The following CACNB2 variants were observed in gnomAD, a reference collection of about 807,000 sequenced individuals.
CACNB2 encodes voltage-dependent L-type calcium channel subunit beta-2.
CACNB2 carries 42 observed loss-of-function variants against 73.3 expected under a neutral mutation model. The ratio of observed to expected loss-of-function variants is 0.57; its 90% CI spans 0.45 to 0.74. The LOEUF (loss-of-function observed/expected upper bound fraction) is 0.74, where lower values mean the gene tolerates loss of function less well. Ranked by LOEUF, CACNB2 falls within the 30% of genes least tolerant of loss-of-function variation. The pLI, the probability that CACNB2 is intolerant of heterozygous loss-of-function variation, is 0.00. For synonymous variants in CACNB2, 348 were observed against 310.3 expected, an observed-to-expected ratio of 1.12 and a Z score of -1.28; for missense variants, 940 against 853.0, an observed-to-expected ratio of 1.10 and a Z score of -1.27.
intron 2 of CACNB2, among the ~76,000 whole-genome samples, chr10:18,380,165 C>A (rs192799749): frequency 6.6e-6 from 1 of 152,268 alleles, no homozygotes; most frequent in East Asian, 1.9e-4. Context: ...AGTTTTAATT[C>A]AATCAGGTTA....
At chr10:18,337,890 A>T (rs1316103275) in intron 2 of CACNB2, among the ~76,000 whole-genome samples, 3 of 152,208 alleles carry the variant, frequency 2.0e-5, no homozygotes, top group African/African-American at 7.2e-5. Flanking sequence ...GTGAAATGAA[A>T]CTGGATCGTT....
intron 2 of CACNB2, among the ~76,000 whole-genome samples, chr10:18,172,182 G>A (rs532614814): frequency 6.6e-6 from 1 of 152,172 alleles, no homozygotes; most frequent in Non-Finnish European, 1.5e-5. Flanking sequence ...GGCCAACATG[G>A]CAAAACCCCG....
chr10:18,280,152 G>A (rs1273452072), intron 2 of CACNB2, among the ~76,000 whole-genome samples: 1 of 152,126 alleles, frequency 6.6e-6, no homozygotes, highest in Non-Finnish European at 1.5e-5. Context: ...AGTAGAATAA[G>A]TTCTACTTTG....
intron 3 of CACNB2, among the ~76,000 whole-genome samples, chr10:18,423,970 CATCTT>C (rs1490763401): frequency 6.6e-6 from 1 of 151,952 alleles, no homozygotes; most frequent in Non-Finnish European, 1.5e-5. Flanking sequence ...AATAGGATGT[CATCTT>C]GTCTTCTCAA....
At chr10:18,381,287 A>G (rs1040714301) in intron 2 of CACNB2, among the ~76,000 whole-genome samples, 1 of 151,630 alleles carries the variant, frequency 6.6e-6, no homozygotes, top group Non-Finnish European at 1.5e-5. Context: ...GGCCTCCCAA[A>G]TGTATGAACT....
At chr10:18,420,079 C>G (rs1409083018) in intron 3 of CACNB2, among the ~76,000 whole-genome samples, 1 of 152,148 alleles carries the variant, frequency 6.6e-6, no homozygotes, top group Non-Finnish European at 1.5e-5. Context: ...GGAATGTAAC[C>G]CAGCCAGTTT....
chr10:18,332,689 A>G (rs530257729), intron 2 of CACNB2, among the ~76,000 whole-genome samples: 1 of 152,292 alleles, frequency 6.6e-6, no homozygotes, highest in South Asian at 2.1e-4. Context: ...CAGTGGGACA[A>G]AAATAGCACT....
At chr10:18,334,036 C>A (rs905845295) in intron 2 of CACNB2, among the ~76,000 whole-genome samples, 6 of 152,228 alleles carry the variant, frequency 3.9e-5, no homozygotes, top group South Asian at 2.1e-4. Context: ...CTGTTTATGT[C>A]GACAGATAAT....
At chr10:18,517,726 T>C (rs1200314883) in intron 7 of CACNB2, among the ~76,000 whole-genome samples, 5 of 152,216 alleles carry the variant, frequency 3.3e-5, no homozygotes, top group Non-Finnish European at 7.3e-5. Flanking sequence ...TCATGATTAC[T>C]GTTTACTAAA....
At chr10:18,174,038 G>A (rs991935385) in intron 2 of CACNB2, among the ~76,000 whole-genome samples, 2 of 152,214 alleles carry the variant, frequency 1.3e-5, no homozygotes, top group Non-Finnish European at 2.9e-5. Context: ...TCTGTAAGAG[G>A]TAATAGAAAC....
At chr10:18,162,710 A>C (rs911940308) in intron 2 of CACNB2, among the ~76,000 whole-genome samples, 1 of 152,220 alleles carries the variant, frequency 6.6e-6, no homozygotes, top group African/African-American at 2.4e-5. Context: ...ACCAGCTCCT[A>C]GGGAATTAGT....
At chr10:18,336,189 A>G (rs1409354668) in intron 2 of CACNB2, among the ~76,000 whole-genome samples, 1 of 152,220 alleles carries the variant, frequency 6.6e-6, no homozygotes, top group Non-Finnish European at 1.5e-5. Flanking sequence ...TCATTAAAGG[A>G]GCCAGCATGG....
chr10:18,387,513 T>C (rs959502175), intron 2 of CACNB2, among the ~76,000 whole-genome samples: 2 of 152,134 alleles, frequency 1.3e-5, no homozygotes, highest in African/African-American at 2.4e-5. Context: ...ACTGTATATA[T>C]GTGTTGGGAA....
At chr10:18,251,350 T>G (rs1289498068) in intron 2 of CACNB2, among the ~76,000 whole-genome samples, 1 of 152,046 alleles carries the variant, frequency 6.6e-6, no homozygotes, top group Non-Finnish European at 1.5e-5. Flanking sequence ...GTTCAAGTGA[T>G]TCTCCTGCCT....
chr10:18,499,363 A>G (rs899325489), intron 4 of CACNB2, among the ~76,000 whole-genome samples: 6 of 152,148 alleles, frequency 3.9e-5, no homozygotes, highest in South Asian at 4.1e-4. Flanking sequence ...CATGCCTGTA[A>G]TCCCAACACT....
intron 2 of CACNB2, among the ~76,000 whole-genome samples, chr10:18,315,256 C>T (rs1044184953): frequency 1.3e-5 from 2 of 152,036 alleles, no homozygotes; most frequent in Admixed American, 1.3e-4. Context: ...ATTGCTCAAA[C>T]TTGGGAGGTG....
chr10:18,254,862 A>T (rs2037218365), intron 2 of CACNB2, among the ~76,000 whole-genome samples: 1 of 152,232 alleles, frequency 6.6e-6, no homozygotes, highest in South Asian at 2.1e-4. Flanking sequence ...AATGTTCAGG[A>T]ATGAGAGAAC....
At chr10:18,315,167 A>C (rs1340951047) in intron 2 of CACNB2, among the ~76,000 whole-genome samples, 1 of 152,086 alleles carries the variant, frequency 6.6e-6, no homozygotes, top group Non-Finnish European at 1.5e-5. Context: ...CCCCATCTCT[A>C]CTTTAAAAAT....
chr10:18,537,767 ACT>A (rs562144467), intron 12 of CACNB2, among the ~76,000 whole-genome samples: 2 of 151,718 alleles, frequency 1.3e-5, no homozygotes, highest in South Asian at 2.1e-4. Context: ...ACAGAGTAAG[ACT>A]CTGTCTCAAA....
Sources: gnomAD v4.1 joint callset for allele counts (sites outside exome capture counted in the v4.1 genomes callset) on GRCh38, gnomAD v4.1.1 for gene constraint, MANE v1.5 for transcripts, NCBI Gene and HGNC (gene_info 2026-07-23, HGNC 2026-07-21) for gene names.